Variants in PALM2AKAP2 observed in about 807,000 individuals in gnomAD.
The protein encoded by PALM2AKAP2 is PALM2 and AKAP2 fusion, also known as PALM2-AKAP2 fusion protein.
PALM2AKAP2 carries 37 observed loss-of-function variants against 71.5 expected under a neutral mutation model. The observed-to-expected ratio is 0.52, with a 90% CI of 0.40 to 0.68. PALM2AKAP2 has a LOEUF of 0.68. Ranked by LOEUF, PALM2AKAP2 falls within the 30% of genes least tolerant of loss-of-function variation. PALM2AKAP2 has a pLI of 0.00. For synonymous variants in PALM2AKAP2, 468 were observed against 478.8 expected, an observed-to-expected ratio of 0.98 and a Z score of 0.29; for missense variants, 1,224 against 1,191.8, an observed-to-expected ratio of 1.03 and a Z score of -0.40.
intron 1 of PALM2AKAP2, among the ~76,000 whole-genome samples, chr9:110,051,879 CA>C (rs1325574094): frequency 6.6e-6 from 1 of 150,658 alleles, no homozygotes; most frequent in Admixed American, 6.6e-5. Context: ...TCAACAATTT[CA>C]GTAAGTTTGG....
At chr9:110,128,353 C>A (rs10980213) in intron 1 of PALM2AKAP2, among the ~76,000 whole-genome samples, 607 of 152,346 alleles carry the variant, frequency 4.0e-3, no homozygotes, top group East Asian at 0.015. Flanking sequence ...GTCCTGCGCA[C>A]TGAAAACGTG....
chr9:109,938,140 G>A (rs1001824033), intron 6 of PALM2AKAP2, among the ~76,000 whole-genome samples: 7 of 152,132 alleles, frequency 4.6e-5, no homozygotes, highest in Admixed American at 3.9e-4. Context: ...TAAGTCTTAT[G>A]TTCCTATTGG....
At chr9:109,669,642 A>G (rs1300202736) in intron 1 of PALM2AKAP2, among the ~76,000 whole-genome samples, 1 of 152,034 alleles carries the variant, frequency 6.6e-6, no homozygotes, top group Non-Finnish European at 1.5e-5. Flanking sequence ...AACTACTCAG[A>G]TATTTATATT....
chr9:110,028,068 G>C (rs1003105409), intron 7 of PALM2AKAP2, among the ~76,000 whole-genome samples: 1 of 152,144 alleles, frequency 6.6e-6, no homozygotes, highest in African/African-American at 2.4e-5. Context: ...TCTCAGAGGG[G>C]GTTTGGCATT....
intron 1 of PALM2AKAP2, among the ~76,000 whole-genome samples, chr9:109,729,111 G>T (rs1587885342): frequency 6.6e-6 from 1 of 152,106 alleles, no homozygotes; most frequent in South Asian, 2.1e-4. Context: ...TTTTACTGCA[G>T]CATATTTCAT....
intron 1 of PALM2AKAP2, among the ~76,000 whole-genome samples, chr9:109,693,285 A>G (rs1036918281): frequency 4.0e-5 from 6 of 151,786 alleles, no homozygotes; most frequent in African/African-American, 1.2e-4. Flanking sequence ...TTCTCTCATT[A>G]TTCTGTCTGT....
chr9:109,841,493 T>C (rs1828673752), intron 1 of PALM2AKAP2, among the ~76,000 whole-genome samples: 1 of 88,536 alleles, frequency 1.1e-5, no homozygotes. Context: ...TGTGCACATG[T>C]ACCCTAGAAC....
In PALM2AKAP2 at chr9:109,867,527, C is replaced by T. The variant is rs957556066; in HGVS notation, c.82C>T (p.Arg28Ter). 8 of 1,612,826 alleles carry T rather than the reference C, an allele frequency of 5.0e-6. No homozygotes were observed. The highest frequency in any genetic ancestry group is 1.7e-4 in the Middle Eastern group (1 of 6,052). Reference sequence around the variant, plus strand: ...GAGGCAGACTGAAATAGAAGGCAAGCGACAACAGCTTGACGAGCAGATACT... The same window carrying T: ...GAGGCAGACTGAAATAGAAGGCAAGTGACAACAGCTTGACGAGCAGATACT... Residue 28 changes from arginine to a stop codon, truncating the protein, a stop_gained, in exon 2 of 10, where the codon CGA (arginine) becomes TGA (stop). Coordinates refer to the PALM2AKAP2 transcript ENST00000302798. LOFTEE classifies it high-confidence loss of function.
chr9:110,169,966 G>A (rs1467970059), exon 4 of PALM2AKAP2: 1 of 152,614 alleles, frequency 6.6e-6, no homozygotes, highest in East Asian at 1.9e-4. Flanking sequence ...TGCAGTATTT[G>A]TAATATTAAG....
At chr9:109,929,093 T>C (rs1831027042) in intron 5 of PALM2AKAP2, among the ~76,000 whole-genome samples, 2 of 152,042 alleles carry the variant, frequency 1.3e-5, no homozygotes, top group Non-Finnish European at 2.9e-5. Context: ...CAGGGAGCTA[T>C]CTCCTGGAGG....
intron 1 of PALM2AKAP2, among the ~76,000 whole-genome samples, chr9:110,058,547 G>C (rs1442160323): frequency 1.3e-5 from 2 of 152,116 alleles, no homozygotes; most frequent in Non-Finnish European, 2.9e-5. Flanking sequence ...CCACCTGGAG[G>C]CTGGGGGAGG....
chr9:109,654,738 A>T (rs1180142226), intron 1 of PALM2AKAP2, among the ~76,000 whole-genome samples: 2 of 132,658 alleles, frequency 1.5e-5, no homozygotes, highest in East Asian at 4.2e-4. Context: ...AGGTGCCTGT[A>T]TGTATGTGTA....
exon 4 of PALM2AKAP2, chr9:110,168,815 GGAA>G: frequency 3.9e-6 from 1 of 256,662 alleles, no homozygotes; most frequent in Non-Finnish European, 7.5e-6. Context: ...TGCTGCAGGC[GGAA>G]CTGAGACCAG....
intron 6 of PALM2AKAP2, among the ~76,000 whole-genome samples, chr9:110,011,214 T>C (rs1832881171): frequency 6.8e-6 from 1 of 147,928 alleles, no homozygotes; most frequent in East Asian, 1.9e-4. Flanking sequence ...ATAATATATA[T>C]AGGATTTATG....
chr9:109,681,699 G>C (rs889266483), intron 1 of PALM2AKAP2, among the ~76,000 whole-genome samples: 1 of 152,118 alleles, frequency 6.6e-6, no homozygotes, highest in Admixed American at 6.5e-5. Flanking sequence ...ACTGCAGAGC[G>C]AAGTATTTTA....
intron 2 of PALM2AKAP2, among the ~76,000 whole-genome samples, chr9:109,878,849 T>C (rs1829777064): frequency 6.6e-6 from 1 of 152,234 alleles, no homozygotes; most frequent in Non-Finnish European, 1.5e-5. Context: ...GTGATTCTTC[T>C]GTCTCAGCCT....
At chr9:110,128,128 T>C (rs1452092580) in intron 1 of PALM2AKAP2, 1 of 152,286 alleles carries the variant, frequency 6.6e-6, no homozygotes, top group African/African-American at 2.4e-5. Flanking sequence ...TGTCCAAAGC[T>C]GATGAGGTTC....
In PALM2AKAP2 at chr9:109,955,377, A is replaced by T. The variant is rs180769647; in HGVS notation, c.496+23349A>T. On this transcript the variant is annotated intron_variant, in intron 6 of 9. Coordinates refer to the PALM2AKAP2 transcript ENST00000302798. The stretch of plus-strand genomic sequence containing the variant: ...TAATGATGAATTAACCTTAGGTTAA[A>T]TGAACAGTGTAAGTTTGTAAGGAAC... Among the ~76,000 whole-genome samples the T allele has an allele frequency of 9.6e-4, 146 of 152,346 alleles. 2 individuals are homozygous for T. Among genetic ancestry groups the T allele is most frequent in the African/African-American group, 3.0e-3 (123 of 41,590 alleles).
chr9:109,818,763 C>T (rs538614477), intron 1 of PALM2AKAP2, among the ~76,000 whole-genome samples: 2 of 152,242 alleles, frequency 1.3e-5, no homozygotes, highest in South Asian at 4.1e-4. Context: ...TTTCACTGTA[C>T]TTTCGAAATA....
Sources: gnomAD v4.1 joint callset for allele counts (sites outside exome capture counted in the v4.1 genomes callset) on GRCh38, gnomAD v4.1.1 for gene constraint, MANE v1.5 for transcripts, NCBI Gene and HGNC (gene_info 2026-07-23, HGNC 2026-07-21) for gene names.